C11orf65: variants seen among roughly 807,000 people sequenced by gnomAD.
The protein encoded by C11orf65 is protein MFI.
Under a neutral mutation model 35.3 loss-of-function variants are expected in C11orf65, and 38 were observed. That is an observed-to-expected ratio of 1.08 (90% CI 0.83 to 1.41). The LOEUF (loss-of-function observed/expected upper bound fraction) is 1.41. Ranked by LOEUF, C11orf65 falls within the 40% of genes most tolerant of loss-of-function variation. C11orf65 has a pLI of 0.00. For synonymous variants in C11orf65, 105 were observed against 114.4 expected, an observed-to-expected ratio of 0.92 and a Z score of 0.53; for missense variants, 370 against 367.1, an observed-to-expected ratio of 1.01 and a Z score of -0.06.
chr11:108,319,170 C>CT (rs774756703), intron 6 of C11orf65, among the ~76,000 whole-genome samples: 67 of 152,264 alleles, frequency 4.4e-4, no homozygotes, highest in Middle Eastern at 6.8e-3. Context: ...GAGTGAGACT[C>CT]TGTCTCAAAA....
At chr11:108,363,047 C>T (rs1404613882) in intron 2 of C11orf65, among the ~76,000 whole-genome samples, 1 of 152,170 alleles carries the variant, frequency 6.6e-6, no homozygotes, top group African/African-American at 2.4e-5. Context: ...CCTAATCTTC[C>T]CTCCGTAAAT....
chr11:108,465,758 G>A (rs1195716240), intron 1 of C11orf65, among the ~76,000 whole-genome samples: 1 of 152,058 alleles, frequency 6.6e-6, no homozygotes, highest in Admixed American at 6.5e-5. Flanking sequence ...GCCAAGGTGG[G>A]CGGATCATCT....
rs1261910247 is a variant in C11orf65 at position 108,377,312 on chromosome 11, C to A, written c.226+15896G>T. ...CAAGTGGGCTTCATCCCTGGGATGC[C>A]AGGCTGGTTCAATGTACGCAAATCA... On this transcript the variant is annotated intron_variant, in intron 2 of 3. Transcript: ENST00000524755. 7.9e-5 allele frequency among the ~76,000 whole-genome samples: 12 copies of A among 152,232 alleles called. No homozygotes were observed. In the East Asian group the frequency reaches 1.2e-3, roughly 15 times the overall value.
chr11:108,385,070 A>C (rs2091957605), intron 8 of C11orf65, among the ~76,000 whole-genome samples: 1 of 152,150 alleles, frequency 6.6e-6, no homozygotes, highest in Non-Finnish European at 1.5e-5. Context: ...CTCATGAAAA[A>C]TTGTTACTAA....
intron 2 of C11orf65, among the ~76,000 whole-genome samples, chr11:108,458,271 T>C (rs1282658969): frequency 6.9e-6 from 1 of 145,722 alleles, no homozygotes; most frequent in Non-Finnish European, 1.5e-5. Context: ...CTCGGGAGGC[T>C]GAGGCACGAG....
intron 3 of C11orf65, among the ~76,000 whole-genome samples, chr11:108,409,933 C>T (rs189280491): frequency 2.6e-5 from 4 of 152,136 alleles, no homozygotes; most frequent in South Asian, 2.1e-4. Flanking sequence ...TCCACTAAAC[C>T]GGTCCCTGGC....
chr11:108,347,619 C>T (rs1018611383), intron 2 of C11orf65, among the ~76,000 whole-genome samples: 1 of 152,038 alleles, frequency 6.6e-6, no homozygotes, highest in African/African-American at 2.4e-5. Context: ...ATAATTCAGA[C>T]AGAAGATAGA....
rs1555119866 is a variant in C11orf65, at chr11:108,326,132, A to G, written c.641-17061T>C. 6.2e-7 allele frequency: 1 copy of G among 1,614,164 alleles called. No homozygotes were observed. The highest frequency in any genetic ancestry group is 8.5e-7 in the Non-Finnish European group (1 of 1,180,008). On this transcript the variant is annotated intron_variant, in intron 6 of 6. Coordinates refer to the C11orf65 transcript ENST00000525729. ...GTGGAGTCTCTGAGTGGCAGCTGGA[A>G]GAAGCACAAGTATTCTGGGCAAAAA...
chr11:108,372,449 C>T (rs902895372), intron 2 of C11orf65, among the ~76,000 whole-genome samples: 2 of 152,180 alleles, frequency 1.3e-5, no homozygotes, highest in Non-Finnish European at 2.9e-5. Flanking sequence ...CGCCTCAGCA[C>T]CCCAAAGTGC....
chr11:108,463,473 CT>C (rs758400303), intron 1 of C11orf65, among the ~76,000 whole-genome samples: 1 of 151,998 alleles, frequency 6.6e-6, no homozygotes, highest in Non-Finnish European at 1.5e-5. Flanking sequence ...GTCTTTTTTG[CT>C]TTCCCTACAA....
intron 7 of C11orf65, among the ~76,000 whole-genome samples, chr11:108,388,256 T>C (rs960500248): frequency 1.3e-5 from 2 of 152,186 alleles, no homozygotes; most frequent in African/African-American, 4.8e-5. Flanking sequence ...GATTAGCACA[T>C]GACTTTTATT....
intron 6 of C11orf65, chr11:108,321,245 A>G: frequency 6.2e-7 from 1 of 1,606,782 alleles, no homozygotes; most frequent in Non-Finnish European, 8.5e-7. Context: ...TTAAACATTT[A>G]TTTCCCTGAA....
At chr11:108,441,531 G>A (rs991413816) in intron 2 of C11orf65, among the ~76,000 whole-genome samples, 2 of 152,174 alleles carry the variant, frequency 1.3e-5, no homozygotes, top group Non-Finnish European at 2.9e-5. Context: ...TCCTCAAGTG[G>A]GTCCCTGACC....
intron 2 of C11orf65, among the ~76,000 whole-genome samples, chr11:108,363,455 C>T (rs879476209): frequency 6.6e-6 from 1 of 152,216 alleles, no homozygotes; most frequent in Non-Finnish European, 1.5e-5. Context: ...ATCTCTCCCT[C>T]TAACTCAGTG....
intron 2 of C11orf65, among the ~76,000 whole-genome samples, chr11:108,337,002 C>CT (rs2086928826): frequency 6.6e-6 from 1 of 152,168 alleles, no homozygotes; most frequent in African/African-American, 2.4e-5. Context: ...GTGACATGTG[C>CT]TTTTTTATAT....
intron 6 of C11orf65, chr11:108,309,114 A>C: frequency 1.8e-6 from 2 of 1,139,594 alleles, no homozygotes; most frequent in Non-Finnish European, 2.5e-6. Flanking sequence ...GGGTAAAGAC[A>C]TGCATTCAAG....
At chr11:108,334,839 A>G (rs2086656073) in intron 3 of C11orf65, 11 of 1,090,152 alleles carry the variant, frequency 1.0e-5, no homozygotes, top group Non-Finnish European at 1.5e-5. Context: ...CTAAAGTTGT[A>G]GTTCTTAACC....
intron 2 of C11orf65, among the ~76,000 whole-genome samples, chr11:108,363,416 A>C (rs1387634625): frequency 6.6e-6 from 1 of 152,090 alleles, no homozygotes; most frequent in Admixed American, 6.6e-5. Flanking sequence ...CTCTCCTCTA[A>C]GATTTTATGT....
chr11:108,318,335 C>T (rs2084927512), intron 6 of C11orf65, among the ~76,000 whole-genome samples: 1 of 151,810 alleles, frequency 6.6e-6, no homozygotes. Context: ...GCACTCCAGC[C>T]TGGACAACAG....
Sources: allele counts gnomAD v4.1 joint callset (sites outside exome capture counted in the v4.1 genomes callset), GRCh38; gene constraint gnomAD v4.1.1; transcripts MANE v1.5; gene names NCBI Gene and HGNC (gene_info 2026-07-23, HGNC 2026-07-21).